Variants in ZNF385D observed in about 807,000 individuals in gnomAD.
The protein encoded by ZNF385D is zinc finger protein 659.
ZNF385D carries 15 observed loss-of-function variants against 35.8 expected under a neutral mutation model. The observed-to-expected ratio is 0.42, with a 90% CI of 0.28 to 0.64. The LOEUF (loss-of-function observed/expected upper bound fraction) is 0.64, where lower values mean the gene tolerates loss of function less well. Ranked by LOEUF, ZNF385D falls within the 30% of genes least tolerant of loss-of-function variation. ZNF385D has a pLI of 0.23. For synonymous variants in ZNF385D, 212 were observed against 186.8 expected, an observed-to-expected ratio of 1.13 and a Z score of -1.10; for missense variants, 474 against 494.6, an observed-to-expected ratio of 0.96 and a Z score of 0.39.
At chr3:21,912,724 A>G (rs959694205) in intron 3 of ZNF385D, among the ~76,000 whole-genome samples, 1 of 152,046 alleles carries the variant, frequency 6.6e-6, no homozygotes, top group Non-Finnish European at 1.5e-5. Context: ...AATTAATGAT[A>G]TTATATGCTA....
intron 1 of ZNF385D, among the ~76,000 whole-genome samples, chr3:21,731,094 A>C (rs2068975990): frequency 6.6e-6 from 1 of 152,212 alleles, no homozygotes; most frequent in Non-Finnish European, 1.5e-5. Flanking sequence ...ATGCATATTT[A>C]AATATGATCA....
intron 2 of ZNF385D, among the ~76,000 whole-genome samples, chr3:22,175,976 C>T (rs1012688281): frequency 6.6e-6 from 1 of 150,516 alleles, no homozygotes; most frequent in African/African-American, 2.4e-5. Context: ...TAGTGGGTCA[C>T]AATATCTTCT....
chr3:22,271,855 G>A (rs1488609231), intron 2 of ZNF385D, among the ~76,000 whole-genome samples: 1 of 151,804 alleles, frequency 6.6e-6, no homozygotes, highest in East Asian at 1.9e-4. Context: ...GCTTACAATG[G>A]TTCAATTTAC....
At chr3:21,894,157 T>C (rs1191855904) in intron 3 of ZNF385D, among the ~76,000 whole-genome samples, 1 of 152,192 alleles carries the variant, frequency 6.6e-6, no homozygotes, top group Non-Finnish European at 1.5e-5. Context: ...CTAAGCTAGA[T>C]AATTTCTGAT....
chr3:22,315,550 G>C (rs912541165), intron 2 of ZNF385D, among the ~76,000 whole-genome samples: 1 of 152,110 alleles, frequency 6.6e-6, no homozygotes, highest in African/African-American at 2.4e-5. Flanking sequence ...GAGTGGCATG[G>C]CTGGGGAAAA....
intron 3 of ZNF385D, among the ~76,000 whole-genome samples, chr3:22,073,917 A>G (rs1700345084): frequency 6.6e-6 from 1 of 152,068 alleles, no homozygotes; most frequent in South Asian, 2.1e-4. Flanking sequence ...CATCCTTTAA[A>G]AGGGCAGTTT....
chr3:21,921,308 G>T (rs572048302), intron 3 of ZNF385D, among the ~76,000 whole-genome samples: 1 of 150,754 alleles, frequency 6.6e-6, no homozygotes, highest in African/African-American at 2.4e-5. Context: ...CCCAAATCAC[G>T]TAACACTTGG....
At chr3:22,189,679 T>G (rs1695885545) in intron 2 of ZNF385D, among the ~76,000 whole-genome samples, 1 of 152,194 alleles carries the variant, frequency 6.6e-6, no homozygotes, top group Non-Finnish European at 1.5e-5. Flanking sequence ...GTCTTTATCT[T>G]CCTGCTCACC....
At chr3:22,258,008 C>A (rs952987469) in intron 2 of ZNF385D, among the ~76,000 whole-genome samples, 6 of 151,704 alleles carry the variant, frequency 4.0e-5, no homozygotes, top group African/African-American at 1.5e-4. Flanking sequence ...AATCATTATG[C>A]CTCATGCAGG....
At chr3:22,208,107 T>C (rs1408092883) in intron 2 of ZNF385D, among the ~76,000 whole-genome samples, 1 of 151,920 alleles carries the variant, frequency 6.6e-6, no homozygotes, top group Non-Finnish European at 1.5e-5. Flanking sequence ...GAAATCAGTA[T>C]AGCAAAGAGA....
At chr3:22,245,130 C>T (rs1699705230) in intron 2 of ZNF385D, among the ~76,000 whole-genome samples, 1 of 152,068 alleles carries the variant, frequency 6.6e-6, no homozygotes, top group African/African-American at 2.4e-5. Context: ...ACTGAGGTTC[C>T]AAAGTTTGGG....
At chr3:21,463,534 A>G (rs1226202368) in intron 4 of ZNF385D, among the ~76,000 whole-genome samples, 2 of 152,138 alleles carry the variant, frequency 1.3e-5, no homozygotes, top group Admixed American at 6.5e-5. Context: ...CCTCAGAGCC[A>G]AGTGTCAGGG....
intron 2 of ZNF385D, among the ~76,000 whole-genome samples, chr3:22,221,669 T>A (rs1014711728): frequency 6.6e-6 from 1 of 152,192 alleles, no homozygotes; most frequent in African/African-American, 2.4e-5. Context: ...GACAACTCAT[T>A]TGTTCTTTTT....
chr3:22,371,858 A>T (rs952582028), intron 2 of ZNF385D, among the ~76,000 whole-genome samples: 12 of 152,140 alleles, frequency 7.9e-5, no homozygotes, highest in Non-Finnish European at 1.2e-4. Flanking sequence ...GACGCTTCAT[A>T]TAACTCAAGA....
At chr3:22,353,688 C>G (rs1241640517) in intron 2 of ZNF385D, among the ~76,000 whole-genome samples, 1 of 152,156 alleles carries the variant, frequency 6.6e-6, no homozygotes, top group Admixed American at 6.5e-5. Flanking sequence ...ATGGTGATTT[C>G]AATATGCAAT....
Position 21,510,994 on chromosome 3 carries a change from C to T in ZNF385D, c.306G>A (p.Thr102=), listed in dbSNP as rs150360612. The change falls in exon 4 of 8, where the codon ACG becomes ACA. Residue 102 remains threonine (T), a synonymous_variant. Coordinates refer to ENST00000281523, the MANE Select transcript of ZNF385D (RefSeq NM_024697.3). ...GTGCTTTGAGCTTCTTGGCATGTTT[C>T]GTGCCTTTGTAGTGGGCCGCAGCCT... The part of the protein sequence containing the change: ...DSQAAAHYKG[T]KHAKKLKALE... The T allele has an allele frequency of 8.7e-6, 14 of 1,613,912 alleles. No homozygotes were observed. Among genetic ancestry groups the T allele is most frequent in the Admixed American group, 3.3e-5 (2 of 59,972 alleles).
chr3:21,924,998 G>C (rs1278395576), intron 3 of ZNF385D, among the ~76,000 whole-genome samples: 2 of 151,876 alleles, frequency 1.3e-5, no homozygotes, highest in South Asian at 2.1e-4. Context: ...GCAAAACAAT[G>C]ATAAAAAAAG....
chr3:21,558,159 G>A (rs374462977), intron 3 of ZNF385D, among the ~76,000 whole-genome samples: 3 of 140,996 alleles, frequency 2.1e-5, no homozygotes, highest in Non-Finnish European at 4.5e-5. Flanking sequence ...ATCTCCTTCA[G>A]TTCTGCTCTG....
At chr3:21,570,458 C>T (rs539741930) in intron 2 of ZNF385D, among the ~76,000 whole-genome samples, 1 of 152,304 alleles carries the variant, frequency 6.6e-6, no homozygotes, top group African/African-American at 2.4e-5. Context: ...CTCTAAGAGA[C>T]CTCTTCTGTC....
Sources: allele counts gnomAD v4.1 joint callset (sites outside exome capture counted in the v4.1 genomes callset), GRCh38; gene constraint gnomAD v4.1.1; transcripts MANE v1.5; gene names NCBI Gene and HGNC (gene_info 2026-07-23, HGNC 2026-07-21).